RIT2: variants seen among roughly 807,000 people sequenced by gnomAD.
RIT2 encodes the protein Ras like without CAAX 2.
Under a neutral mutation model 23.7 loss-of-function variants are expected in RIT2, and 24 were observed. The observed-to-expected ratio is 1.01, with a 90% CI of 0.73 to 1.43. RIT2 has a LOEUF of 1.43. Ranked by LOEUF, RIT2 falls within the 40% of genes most tolerant of loss-of-function variation. The probability of loss-of-function intolerance (pLI) is 0.00; values close to 1 mark genes in which losing one functional copy is unlikely to be tolerated. For missense variants in RIT2, 236 were observed against 266.9 expected (o/e 0.88, Z 0.81); for synonymous variants, 107 against 91.1 (o/e 1.17, Z -0.99).
intron 1 of RIT2, among the ~76,000 whole-genome samples, chr18:43,092,687 C>T (rs749403682): frequency 2.0e-5 from 3 of 152,004 alleles, no homozygotes; most frequent in Non-Finnish European, 4.4e-5. Flanking sequence ...GACAGAAGCT[C>T]AGCTTGAAGG....
intron 2 of RIT2, among the ~76,000 whole-genome samples, chr18:43,001,276 T>C (rs975046731): frequency 2.9e-4 from 44 of 151,960 alleles, no homozygotes; most frequent in African/African-American, 1.1e-3. Context: ...ATGTTTAATG[T>C]CAGTTTTTTA....
chr18:42,786,479 CTT>C (rs919831809), intron 4 of RIT2, among the ~76,000 whole-genome samples: 3 of 152,154 alleles, frequency 2.0e-5, no homozygotes, highest in African/African-American at 4.8e-5. Context: ...AATAAAATCA[CTT>C]ATTAAAATAT....
intron 4 of RIT2, among the ~76,000 whole-genome samples, chr18:42,832,379 G>C (rs16977029): frequency 0.037 from 5,563 of 152,158 alleles, 331 homozygotes; most frequent in African/African-American, 0.13. Flanking sequence ...AACTTATATA[G>C]GCCAGTCACT....
chr18:42,934,887 A>G (rs1004136088), intron 3 of RIT2, among the ~76,000 whole-genome samples: 7 of 152,144 alleles, frequency 4.6e-5, no homozygotes, highest in Non-Finnish European at 8.8e-5. Flanking sequence ...TCACAGAACT[A>G]TTGTTATTAT....
intron 4 of RIT2, among the ~76,000 whole-genome samples, chr18:42,846,043 A>G (rs2144030253): frequency 6.6e-6 from 1 of 152,124 alleles, no homozygotes; most frequent in East Asian, 1.9e-4. Context: ...AGAAAATAAC[A>G]TACATAAGAG....
chr18:42,875,447 T>G (rs1863625135), intron 4 of RIT2, among the ~76,000 whole-genome samples: 1 of 151,892 alleles, frequency 6.6e-6, no homozygotes, highest in African/African-American at 2.4e-5. Flanking sequence ...ACTAGTAAAT[T>G]GTGTTGTGCT....
rs183405690 is a variant in RIT2, at chr18:42,805,054, A to G, written c.427-61334T>C. On this transcript the variant is annotated intron_variant, in intron 4 of 4. Transcript: ENST00000326695. Reference sequence around the variant, plus strand: ...TCTCTGAATACAAAAATTTAAGACTAAAGACCAAGATTCTAGACCAATGGT... The same window carrying G: ...TCTCTGAATACAAAAATTTAAGACTGAAGACCAAGATTCTAGACCAATGGT... 1.2e-3 allele frequency among the ~76,000 whole-genome samples: 187 copies of G among 152,328 alleles called. 1 individual carries two copies. The highest frequency in any genetic ancestry group is 2.9e-4 in the Non-Finnish European group (20 of 68,022).
chr18:42,956,462 T>C (rs768758999), intron 3 of RIT2, among the ~76,000 whole-genome samples: 6 of 152,278 alleles, frequency 3.9e-5, no homozygotes, highest in Admixed American at 3.9e-4. Context: ...TGGAATGAGA[T>C]GAAGGTTAGA....
intron 2 of RIT2, among the ~76,000 whole-genome samples, chr18:42,985,659 G>C (rs185924388): frequency 2.2e-4 from 33 of 152,066 alleles, no homozygotes; most frequent in African/African-American, 8.0e-4. Flanking sequence ...ATTGTTAATG[G>C]AACATAAATA....
intron 4 of RIT2, among the ~76,000 whole-genome samples, chr18:42,804,940 T>C (rs1905641315): frequency 6.6e-6 from 1 of 152,162 alleles, no homozygotes; most frequent in South Asian, 2.1e-4. Flanking sequence ...TTTTTAATGG[T>C]GAGGCTTGAC....
rs398120386 is a variant in RIT2, at chr18:43,059,786, T to TA, written c.104-25920dup. 2.6e-4 allele frequency among the ~76,000 whole-genome samples: 39 copies of TA among 152,070 alleles called. 2 individuals are homozygous for TA. In the South Asian group the frequency reaches 6.4e-3, roughly 25 times the overall value. On this transcript the variant is annotated intron_variant, in intron 1 of 4. Coordinates refer to ENST00000326695, the MANE Select transcript of RIT2 (RefSeq NM_002930.4). ...GAGAATCATTCTTACACTTTTTTTT[T>TA]ATTTTATTTTACAGAAAAGACAGCA...
chr18:43,031,664 G>T (rs531368873), intron 2 of RIT2, among the ~76,000 whole-genome samples: 1 of 151,954 alleles, frequency 6.6e-6, no homozygotes, highest in South Asian at 2.1e-4. Flanking sequence ...CAGAACTGAG[G>T]TATATTTGAA....
chr18:43,076,904 C>T (rs376546489), intron 1 of RIT2, among the ~76,000 whole-genome samples: 1,658 of 151,564 alleles, frequency 0.011, 32 homozygotes, highest in African/African-American at 0.037. Context: ...GAGATCGAGA[C>T]CATCCCGGCT....
At chr18:43,089,237 T>C (rs1414539804) in intron 1 of RIT2, among the ~76,000 whole-genome samples, 2 of 152,078 alleles carry the variant, frequency 1.3e-5, no homozygotes, top group Admixed American at 6.6e-5. Context: ...ATAAACAATG[T>C]CAGCAAAGTC....
intron 1 of RIT2, among the ~76,000 whole-genome samples, chr18:43,107,972 G>C (rs913184435): frequency 2.0e-5 from 3 of 148,012 alleles, no homozygotes; most frequent in Admixed American, 7.0e-5. Context: ...GACCATCCTG[G>C]CTAACACGGT....
At chr18:42,915,157 C>T (rs1209017460) in intron 4 of RIT2, among the ~76,000 whole-genome samples, 2 of 140,084 alleles carry the variant, frequency 1.4e-5, no homozygotes, top group South Asian at 4.4e-4. Flanking sequence ...ATTATACACA[C>T]ACACACACAC....
intron 4 of RIT2, among the ~76,000 whole-genome samples, chr18:42,769,021 G>A (rs1913488688): frequency 6.6e-6 from 1 of 152,158 alleles, no homozygotes; most frequent in African/African-American, 2.4e-5. Context: ...CTGGTTGTGT[G>A]ATTAGCTTCT....
chr18:42,935,370 T>G (rs1053445276), intron 3 of RIT2, among the ~76,000 whole-genome samples: 1 of 152,088 alleles, frequency 6.6e-6, no homozygotes, highest in Non-Finnish European at 1.5e-5. Flanking sequence ...ATCCCCTATA[T>G]CACTCTACAG....
intron 2 of RIT2, among the ~76,000 whole-genome samples, chr18:43,019,268 A>G (rs1250479649): frequency 6.6e-6 from 1 of 152,056 alleles, no homozygotes; most frequent in Non-Finnish European, 1.5e-5. Context: ...CCTAAAAAAC[A>G]TAGATACAAA....
Sources: allele counts gnomAD v4.1 joint callset (sites outside exome capture counted in the v4.1 genomes callset), GRCh38; gene constraint gnomAD v4.1.1; transcripts MANE v1.5; gene names NCBI Gene and HGNC (gene_info 2026-07-23, HGNC 2026-07-21).